Variants in ZMAT1 observed in about 807,000 individuals in gnomAD.
ZMAT1 encodes the protein zinc finger matrin-type 1.
Under a neutral mutation model 18.5 loss-of-function variants are expected in ZMAT1, and 11 were observed. The ratio of observed to expected loss-of-function variants is 0.59; its 90% CI spans 0.37 to 0.98. ZMAT1 has a LOEUF of 0.98. Among genes scored for constraint, ZMAT1 ranks in the 50% least tolerant of loss-of-function variants. The pLI is 0.01. For missense variants in ZMAT1, 525 were observed against 496.2 expected (o/e 1.06, Z -0.55); for synonymous variants, 211 against 176.4 (o/e 1.20, Z -1.55).
At chrX:101,885,639 A>G (rs1364521914) in intron 5 of ZMAT1, among the ~76,000 whole-genome samples, 1 of 112,065 alleles carries the variant, frequency 8.9e-6, no homozygotes, top group South Asian at 3.8e-4. Flanking sequence ...CTAGAATAAA[A>G]CAATGTAACA....
Position 101,886,664 on chromosome X carries a change from C to A in ZMAT1, c.744G>T (p.Arg248=). The change falls in exon 5 of 6, where the codon CGG becomes CGT. Residue 248 remains arginine (R), a synonymous_variant. Transcript: ENST00000651725. ...SIAFTSLDMF[R]SHMQGSEHQI... is the part of the protein sequence containing the mutation. ...GATGTTCACTTCCTTGCATGTGGGA[C>A]CGGAACATATCTAAAGATGTAAAAG... The A allele has an allele frequency of 8.3e-7, 1 of 1,205,794 alleles. No individual in the cohort carries two copies. Among genetic ancestry groups the A allele is most frequent in the Non-Finnish European group, 1.1e-6 (1 of 892,633 alleles).
At chrX:101,929,456 T>TATATATAC (rs1161232053) in intron 1 of ZMAT1, among the ~76,000 whole-genome samples, 32 of 85,474 alleles carry the variant, frequency 3.7e-4, no homozygotes, top group Admixed American at 2.2e-3. Context: ...TATATATATA[T>TATATATAC]ACACACAGAG....
intron 2 of ZMAT1, 138 bp downstream of exon 2, chrX:101,904,086 C>G (rs946343761): frequency 7.1e-6 from 3 of 422,545 alleles, no homozygotes; most frequent in Non-Finnish European, 1.2e-5. Flanking sequence ...CTGAGCCAAT[C>G]TCCTCATCCA....
intron 1 of ZMAT1, among the ~76,000 whole-genome samples, chrX:101,929,881 G>C (rs1930373572): frequency 9.0e-6 from 1 of 111,278 alleles, no homozygotes; most frequent in South Asian, 3.8e-4. Context: ...GGAGTGTGGG[G>C]AGTTTTACTC....
chrX:101,904,166 T>C (rs1043498976), intron 2 of ZMAT1, 58 bp downstream of exon 2: 3 of 852,517 alleles, frequency 3.5e-6, no homozygotes, highest in Non-Finnish European at 5.0e-6. Flanking sequence ...TTACAGGAAG[T>C]TTACTTGCTA....
chrX:101,887,266 G>C, intron 4 of ZMAT1: 1 of 754,179 alleles, frequency 1.3e-6, no homozygotes, highest in Non-Finnish European at 1.6e-6. Context: ...GAGAGGTTCA[G>C]TGAGCCCCAC....
chrX:101,915,713 A>ATAC, intron 1 of ZMAT1: 1 of 112,309 alleles, frequency 8.9e-6, no homozygotes, highest in East Asian at 2.8e-4. Flanking sequence ...TGCCAGTCAT[A>ATAC]ATGGTGATTA....
chrX:101,922,743 G>C (rs183055934), intron 1 of ZMAT1, among the ~76,000 whole-genome samples: 85 of 111,066 alleles, frequency 7.7e-4, no homozygotes, highest in Non-Finnish European at 3.2e-4. Context: ...TGATTCACAA[G>C]AGATGCTAAA....
intron 1 of ZMAT1, among the ~76,000 whole-genome samples, chrX:101,921,469 C>T (rs1929720273): frequency 8.9e-6 from 1 of 112,024 alleles, no homozygotes; most frequent in African/African-American, 3.2e-5. Flanking sequence ...AATTTCTAAT[C>T]CTTTTTTAGT....
intron 4 of ZMAT1, among the ~76,000 whole-genome samples, chrX:101,891,030 G>A (rs777443541): frequency 2.4e-4 from 27 of 111,197 alleles, no homozygotes; most frequent in Non-Finnish European, 4.7e-4. Context: ...ATTAAGTGAC[G>A]TGGTTGGTCA....
chrX:101,920,143 A>G (rs1422069470), intron 1 of ZMAT1, among the ~76,000 whole-genome samples: 3 of 107,994 alleles, frequency 2.8e-5, no homozygotes, highest in Non-Finnish European at 5.7e-5. Flanking sequence ...GGGCTAAGCG[A>G]TTCTCCCACC....
chrX:101,913,959 A>T (rs1455991927), intron 1 of ZMAT1, among the ~76,000 whole-genome samples: 1 of 111,936 alleles, frequency 8.9e-6, no homozygotes, highest in Non-Finnish European at 1.9e-5. Flanking sequence ...ATAACTCTTA[A>T]AACTCTCAAA....
chrX:101,884,466 C>A lies in ZMAT1; in HGVS notation c.1132G>T (p.Asp378Tyr), dbSNP rs139010664. ...ATCTTTCTGAAACAAGTCTTTGGATCTAGTCCTCTGGCTTTCTGTACTTTG... is the reference window on the plus strand; with the variant it reads ...ATCTTTCTGAAACAAGTCTTTGGATATAGTCCTCTGGCTTTCTGTACTTTG... ...YIKVQKARGL[D>Y]PKTCFRKMRE... Residue 378 changes from aspartate to tyrosine, a missense_variant, in exon 6 of 6, where the codon GAT becomes TAT. Physicochemically the swap from Asp to Tyr is radical, Grantham distance 160. Transcript: ENST00000651725. The A allele has an allele frequency of 4.6e-4, 557 of 1,209,580 alleles. 2 individuals carry two copies. The African/African-American group carries it at 8.4e-3, about 18-fold the overall frequency.
At chrX:101,892,649 C>A (rs180729436) in intron 4 of ZMAT1, 29 of 615,860 alleles carry the variant, frequency 4.7e-5, no homozygotes, top group African/African-American at 4.2e-4. Flanking sequence ...AATAATGGGG[C>A]CAAAAATTAG....
chrX:101,921,305 T>A (rs1929709297), intron 1 of ZMAT1, among the ~76,000 whole-genome samples: 1 of 112,150 alleles, frequency 8.9e-6, no homozygotes, highest in African/African-American at 3.2e-5. Flanking sequence ...TTGTTTTGTT[T>A]CTTAAAGCTT....
intron 4 of ZMAT1, among the ~76,000 whole-genome samples, chrX:101,893,830 G>A (rs73516455): frequency 0.019 from 2,149 of 111,033 alleles, 51 homozygotes; most frequent in African/African-American, 0.066. Context: ...CAGCATGAAC[G>A]AGGGCACAGA....
intron 1 of ZMAT1, among the ~76,000 whole-genome samples, chrX:101,928,354 CTTTT>C (rs1930182247): frequency 1.8e-5 from 2 of 111,758 alleles, no homozygotes; most frequent in African/African-American, 6.5e-5. Context: ...ACTAGATTTT[CTTTT>C]TCTTTCTTTT....
chrX:101,929,456 T>TACAC (rs1556312126), intron 1 of ZMAT1, among the ~76,000 whole-genome samples: 30 of 85,469 alleles, frequency 3.5e-4, no homozygotes, highest in African/African-American at 9.7e-4. Context: ...TATATATATA[T>TACAC]ACACACAGAG....
chrX:101,893,834 G>A lies in ZMAT1; in HGVS notation c.676+4034C>T, dbSNP rs1002632493. ...AGACAAAGTGGCAGCATGAACGAGGGCACAGACACAAAAAACAGGGTAATA... is the reference window on the plus strand; with the variant it reads ...AGACAAAGTGGCAGCATGAACGAGGACACAGACACAAAAAACAGGGTAATA... On this transcript the variant is annotated intron_variant, in intron 4 of 5. Transcript: ENST00000651725. Among the ~76,000 whole-genome samples the A allele has an allele frequency of 2.7e-5, 3 of 111,048 alleles. No homozygotes were observed. In the Admixed American group the frequency reaches 2.9e-4, roughly 11 times the overall value.
Sources: gnomAD v4.1 joint callset for allele counts (sites outside exome capture counted in the v4.1 genomes callset) on GRCh38, gnomAD v4.1.1 for gene constraint, MANE v1.5 for transcripts, NCBI Gene and HGNC (gene_info 2026-07-23, HGNC 2026-07-21) for gene names.